SLIT2: variants seen among roughly 807,000 people sequenced by gnomAD.
SLIT2 encodes slit guidance ligand 2, also known as slit homolog 2 protein.
A neutral mutation model predicts 185.7 loss-of-function variants in SLIT2; 41 were observed. That is an observed-to-expected ratio of 0.22 (90% CI 0.17 to 0.29). SLIT2 has a LOEUF of 0.29. Among genes scored for constraint, SLIT2 ranks in the 10% least tolerant of loss-of-function variants. SLIT2 has a pLI of 1.00. For missense variants in SLIT2, 1,571 were observed against 1,909.0 expected (o/e 0.82, Z 3.30); for synonymous variants, 693 against 680.2 (o/e 1.02, Z -0.29).
chr4:20,381,465 A>C (rs561631675), intron 4 of SLIT2, among the ~76,000 whole-genome samples: 1 of 152,224 alleles, frequency 6.6e-6, no homozygotes, highest in African/African-American at 2.4e-5. Context: ...TACAAACTGT[A>C]ATGTATTTTC....
chr4:20,564,669 A>G lies in SLIT2; in HGVS notation c.2726-2593A>G, dbSNP rs1724947400. Among the ~76,000 whole-genome samples, 4 of 152,028 alleles carry G rather than the reference A, an allele frequency of 2.6e-5. No individual in the cohort carries two copies. In the South Asian group the frequency reaches 8.3e-4, roughly 32 times the overall value. On this transcript the variant is annotated intron_variant, in intron 26 of 36. Transcript: ENST00000504154. ...GTAGTCATGAGCTTTACCAACCTGA[A>G]GAAGTTGGAACTCAGTATTTTGCTA...
rs1187008447 is a variant in SLIT2 at position 20,348,729 on chromosome 4, C to T, written c.395+79848C>T. On this transcript the variant is annotated intron_variant, in intron 4 of 36. Transcript: ENST00000504154. ...TATAAGTGCTCTGTCATTAAGAGTT[C>T]GTTTGTCAACGTCTTGAGTCTTAAA... 6.6e-5 allele frequency among the ~76,000 whole-genome samples: 10 copies of T among 152,266 alleles called. No individual in the cohort carries two copies. The East Asian group carries it at 7.7e-4, about 12-fold the overall frequency.
chr4:20,408,617 G>A (rs865948801), intron 4 of SLIT2, among the ~76,000 whole-genome samples: 1 of 151,956 alleles, frequency 6.6e-6, no homozygotes, highest in African/African-American at 2.4e-5. Flanking sequence ...TCCTTCTAGC[G>A]CTACTGGATT....
chr4:20,259,814 A>G (rs1712246258), intron 3 of SLIT2, among the ~76,000 whole-genome samples: 1 of 151,770 alleles, frequency 6.6e-6, no homozygotes, highest in South Asian at 2.1e-4. Context: ...ACTAATATAT[A>G]TGCAGGACTT....
At chr4:20,607,306 T>C (rs1204953457) in intron 33 of SLIT2, among the ~76,000 whole-genome samples, 1 of 152,224 alleles carries the variant, frequency 6.6e-6, no homozygotes, top group African/African-American at 2.4e-5. Context: ...CTATGTTTTA[T>C]GAAATGAATT....
chr4:20,463,724 A>G (rs1350228761), intron 4 of SLIT2, among the ~76,000 whole-genome samples: 1 of 150,806 alleles, frequency 6.6e-6, no homozygotes, highest in African/African-American at 2.4e-5. Context: ...AATACAAAAA[A>G]AATTAGCCGG....
At chr4:20,459,966 C>G (rs150655436) in intron 4 of SLIT2, among the ~76,000 whole-genome samples, 1 of 150,918 alleles carries the variant, frequency 6.6e-6, no homozygotes, top group Non-Finnish European at 1.5e-5. Flanking sequence ...CAGTTTCAAG[C>G]GATTCTCCTG....
Position 20,254,021 on chromosome 4 carries a change from T to C in SLIT2, c.179+27T>C. The stretch of plus-strand genomic sequence containing the variant: ...TGAGTATGCGCTCTTCGTCTTCCCC[T>C]CTCCCCATCCGGGCCGCGCACCCCT... On this transcript the variant is annotated intron_variant, in intron 1 of 36. Coordinates refer to ENST00000504154, the MANE Select transcript of SLIT2 (RefSeq NM_004787.4). This position sits in a 1 kb window ranked among gnomAD's most constrained non-coding sequence, Gnocchi z 5.1. 1 of 1,587,512 alleles carries C rather than the reference T, an allele frequency of 6.3e-7. No individual in the cohort carries two copies. Among genetic ancestry groups the C allele is most frequent in the Non-Finnish European group, 8.5e-7 (1 of 1,170,164 alleles).
intron 26 of SLIT2, among the ~76,000 whole-genome samples, chr4:20,564,949 G>A (rs943837299): frequency 1.9e-4 from 29 of 151,886 alleles, no homozygotes; most frequent in Admixed American, 1.6e-3. Flanking sequence ...GATATGGTCC[G>A]GTGGACATTT....
chr4:20,347,915 A>G (rs1379483418), intron 4 of SLIT2, among the ~76,000 whole-genome samples: 2 of 152,198 alleles, frequency 1.3e-5, no homozygotes, highest in Non-Finnish European at 2.9e-5. Flanking sequence ...CTAGAAAGCC[A>G]TGGAAGGATT....
At chr4:20,366,750 G>A (rs1182996208) in intron 4 of SLIT2, among the ~76,000 whole-genome samples, 1 of 152,046 alleles carries the variant, frequency 6.6e-6, no homozygotes, top group African/African-American at 2.4e-5. Context: ...TGTTTTATGA[G>A]CTGTATTTAG....
At chr4:20,462,030 G>A (rs1367865236) in intron 4 of SLIT2, among the ~76,000 whole-genome samples, 2 of 152,072 alleles carry the variant, frequency 1.3e-5, no homozygotes, top group Non-Finnish European at 2.9e-5. Context: ...TATAGTAGAA[G>A]GGGGAGGGTC....
intron 3 of SLIT2, among the ~76,000 whole-genome samples, chr4:20,260,014 A>G (rs1577333598): frequency 6.6e-6 from 1 of 152,016 alleles, no homozygotes. Context: ...TACACTTTTC[A>G]AATATTTATT....
Position 20,618,811 on chromosome 4 carries a change from GC to G in SLIT2, c.4393del (p.Gln1465SerfsTer16). Reference protein sequence around the residue: ...GERIRDYYQKQQGYAACQTTK... With the variant: ...GERIRDYYQKXQGYAACQTTK... The stretch of plus-strand genomic sequence containing the variant: ...AAAGGATAAGAGATTATTACCAAAA[GC>G]AGCAGGGCTATGCTGCTTGCCAAAC... On this transcript the variant is annotated frameshift_variant, in exon 37 of 37. Transcript: ENST00000504154. LOFTEE classifies it high-confidence loss of function. 6.2e-7 allele frequency: 1 copy of G among 1,609,756 alleles called. No individual in the cohort carries two copies. The highest frequency in any genetic ancestry group is 8.5e-7 in the Non-Finnish European group (1 of 1,176,470).
intron 4 of SLIT2, among the ~76,000 whole-genome samples, chr4:20,341,657 A>T (rs920823859): frequency 6.6e-6 from 1 of 152,180 alleles, no homozygotes; most frequent in Non-Finnish European, 1.5e-5. Context: ...TGTGGTAAAC[A>T]TCCTGCCCTC....
Position 20,455,358 on chromosome 4 carries a change from G to A in SLIT2, c.396-12394G>A, listed in dbSNP as rs576029907. 9.2e-5 allele frequency among the ~76,000 whole-genome samples: 14 copies of A among 152,192 alleles called. No homozygotes were observed. In the South Asian group the frequency reaches 2.9e-3, roughly 32 times the overall value. Reference sequence around the variant, plus strand: ...AAGAGAAGTGTGGTATCTAAAAAGGGTTGAGACATCCAAAGTAGTAGGCAT... The same window carrying A: ...AAGAGAAGTGTGGTATCTAAAAAGGATTGAGACATCCAAAGTAGTAGGCAT... On this transcript the variant is annotated intron_variant, in intron 4 of 36. Transcript: ENST00000504154.
At chr4:20,325,025 A>C (rs1169956802) in intron 4 of SLIT2, among the ~76,000 whole-genome samples, 1 of 151,932 alleles carries the variant, frequency 6.6e-6, no homozygotes, top group Non-Finnish European at 1.5e-5. Flanking sequence ...GCTTTTTCTC[A>C]CCCTCAGCTC....
chr4:20,402,426 G>A (rs1032033868), intron 4 of SLIT2, among the ~76,000 whole-genome samples: 4 of 151,714 alleles, frequency 2.6e-5, no homozygotes, highest in African/African-American at 9.7e-5. Flanking sequence ...TGAATTCATC[G>A]CTTATTTAAA....
rs1227964685 is a variant in SLIT2, at chr4:20,580,029, A to G, written c.3089-9615A>G. On this transcript the variant is annotated intron_variant, in intron 29 of 36. Transcript: ENST00000504154. ...CATATATAATATATTATTATATATA[A>G]TATATATTATGTATATATTATATAT... Among the ~76,000 whole-genome samples the G allele has an allele frequency of 5.0e-5, 7 of 141,056 alleles. No homozygotes were observed. In the Admixed American group the frequency reaches 5.4e-4, roughly 11 times the overall value. 92.5% of individuals were successfully genotyped at this position (141,056 alleles called of 152,430 possible).
Sources: allele counts gnomAD v4.1 joint callset (sites outside exome capture counted in the v4.1 genomes callset), GRCh38; gene constraint gnomAD v4.1.1; non-coding constraint Gnocchi (gnomAD v3.1); transcripts MANE v1.5; gene names NCBI Gene and HGNC (gene_info 2026-07-23, HGNC 2026-07-21).